Variants in PRKCH observed in about 807,000 individuals in gnomAD.
The protein encoded by PRKCH is protein kinase C eta type.
Under a neutral mutation model 82.5 loss-of-function variants are expected in PRKCH, and 28 were observed. The observed-to-expected ratio is 0.34, with a 90% confidence interval of 0.25 to 0.47. The LOEUF (loss-of-function observed/expected upper bound fraction) is 0.47, where lower values mean the gene tolerates loss of function less well. Ranked by LOEUF, PRKCH falls within the 20% of genes least tolerant of loss-of-function variation. The pLI is 1.00. For missense variants in PRKCH, 705 were observed against 881.8 expected (o/e 0.80, Z 2.54); for synonymous variants, 322 against 327.4 (o/e 0.98, Z 0.18).
chr14:61,539,648 C>G (rs1594797410), intron 12 of PRKCH, among the ~76,000 whole-genome samples: 2 of 151,972 alleles, frequency 1.3e-5, no homozygotes, highest in East Asian at 3.9e-4. Context: ...ATTTCAGACT[C>G]AAGGAAAACA....
At chr14:61,219,205 GA>G (rs2044637246) in intron 1 of PRKCH, among the ~76,000 whole-genome samples, 1 of 152,236 alleles carries the variant, frequency 6.6e-6, no homozygotes, top group Non-Finnish European at 1.5e-5. Flanking sequence ...ACCTCTGGAG[GA>G]GTGAAGTATT....
chr14:61,370,315 C>G (rs893861391), intron 1 of PRKCH, among the ~76,000 whole-genome samples: 1 of 151,964 alleles, frequency 6.6e-6, no homozygotes, highest in Admixed American at 6.6e-5. Flanking sequence ...GGAGAAAAAG[C>G]GAAGGGATGA....
At chr14:61,435,923 A>G (rs1224310615) in intron 2 of PRKCH, among the ~76,000 whole-genome samples, 1 of 152,228 alleles carries the variant, frequency 6.6e-6, no homozygotes, top group Non-Finnish European at 1.5e-5. Context: ...GAGAAGAACC[A>G]GAGCTGTTAT....
intron 2 of PRKCH, among the ~76,000 whole-genome samples, chr14:61,419,218 C>A (rs1444076268): frequency 6.6e-6 from 1 of 152,186 alleles, no homozygotes; most frequent in Non-Finnish European, 1.5e-5. Context: ...GACTTTGAAG[C>A]ACAACACAAA....
chr14:61,524,898 G>C (rs2042947415), intron 10 of PRKCH, among the ~76,000 whole-genome samples: 1 of 152,158 alleles, frequency 6.6e-6, no homozygotes, highest in African/African-American at 2.4e-5. Flanking sequence ...CTATCTTTAA[G>C]GGGTAAAACA....
At chr14:61,375,048 A>G (rs1287505798) in intron 1 of PRKCH, among the ~76,000 whole-genome samples, 1 of 152,108 alleles carries the variant, frequency 6.6e-6, no homozygotes, top group African/African-American at 2.4e-5. Flanking sequence ...TTTGAGAAAC[A>G]GCCAGGCCAC....
chr14:61,534,972 C>G (rs1451557551), intron 12 of PRKCH, among the ~76,000 whole-genome samples: 1 of 152,156 alleles, frequency 6.6e-6, no homozygotes, highest in African/African-American at 2.4e-5. Context: ...TCATCTTCTC[C>G]TTGAACAGTT....
chr14:61,251,410 G>A (rs1466127962), intron 1 of PRKCH, among the ~76,000 whole-genome samples: 1 of 152,084 alleles, frequency 6.6e-6, no homozygotes, highest in Admixed American at 6.5e-5. Flanking sequence ...TGAGTTCAGT[G>A]GTTTTGATCT....
chr14:61,302,595 G>C (rs2045455956), intron 1 of PRKCH, among the ~76,000 whole-genome samples: 1 of 152,000 alleles, frequency 6.6e-6, no homozygotes, highest in South Asian at 2.1e-4. Context: ...TTATTATTCA[G>C]GCTAAAATAT....
intron 2 of PRKCH, among the ~76,000 whole-genome samples, chr14:61,415,764 A>G (rs1230364176): frequency 2.0e-5 from 3 of 152,190 alleles, no homozygotes; most frequent in Non-Finnish European, 2.9e-5. Context: ...TTGTAAAACC[A>G]TCACCACCAT....
chr14:61,407,237 A>T (rs1457572663), intron 2 of PRKCH, among the ~76,000 whole-genome samples: 2 of 152,168 alleles, frequency 1.3e-5, no homozygotes, highest in African/African-American at 2.4e-5. Context: ...AATAATTAAT[A>T]CTCAGATGAT....
At chr14:61,515,909 G>A (rs887116397) in intron 10 of PRKCH, among the ~76,000 whole-genome samples, 4 of 143,166 alleles carry the variant, frequency 2.8e-5, no homozygotes, top group African/African-American at 1.0e-4. Context: ...CATTCCAGGC[G>A]CTATGCTAAA....
intron 12 of PRKCH, among the ~76,000 whole-genome samples, chr14:61,536,489 T>C (rs556728174): frequency 6.6e-6 from 1 of 152,256 alleles, no homozygotes; most frequent in South Asian, 2.1e-4. Context: ...ACAGTGCCTC[T>C]CTCTACAGTC....
At chr14:61,389,126 AG>A (rs2046633547) in intron 1 of PRKCH, among the ~76,000 whole-genome samples, 1 of 152,252 alleles carries the variant, frequency 6.6e-6, no homozygotes, top group South Asian at 2.1e-4. Context: ...CTGTAATCCC[AG>A]CACTCTGGGA....
chr14:61,234,980 T>G (rs1460434908), intron 1 of PRKCH, among the ~76,000 whole-genome samples: 1 of 152,224 alleles, frequency 6.6e-6, no homozygotes, highest in African/African-American at 2.4e-5. Context: ...ATGTTTAGAT[T>G]AGCTCATCTC....
intron 1 of PRKCH, among the ~76,000 whole-genome samples, chr14:61,388,503 G>T (rs1461298530): frequency 6.6e-6 from 1 of 152,218 alleles, no homozygotes. Context: ...TTTACGGGCT[G>T]GCTGTGGGCT....
intron 2 of PRKCH, among the ~76,000 whole-genome samples, chr14:61,439,473 G>A (rs113395023): frequency 7.7e-4 from 118 of 152,316 alleles, no homozygotes; most frequent in Admixed American, 1.4e-3. Context: ...CGAAGCACAC[G>A]TGCAAAATAA....
rs761781893 is a variant in PRKCH, at chr14:61,391,183, T to G, written c.364-42T>G. On this transcript the variant is annotated intron_variant, in intron 1 of 13. Transcript: ENST00000332981. The stretch of plus-strand genomic sequence containing the variant: ...ATTGTTTAAGGCCCACAAAAATATT[T>G]TAAAACTAACATATAATATACATTT... 1.9e-6 allele frequency: 3 copies of G among 1,544,672 alleles called. No homozygotes were observed. In the African/African-American group the frequency reaches 4.2e-5, roughly 22 times the overall value.
intron 9 of PRKCH, among the ~76,000 whole-genome samples, chr14:61,473,354 T>C (rs1885588474): frequency 6.6e-6 from 1 of 152,120 alleles, no homozygotes; most frequent in Non-Finnish European, 1.5e-5. Flanking sequence ...GGGAGTAACA[T>C]AAGATTTGCA....
Sources: allele counts gnomAD v4.1 joint callset (sites outside exome capture counted in the v4.1 genomes callset), GRCh38; gene constraint gnomAD v4.1.1; transcripts MANE v1.5; gene names NCBI Gene and HGNC (gene_info 2026-07-23, HGNC 2026-07-21).